Variants in SASH1 observed in about 807,000 individuals in gnomAD.
SASH1 encodes the protein SAM and SH3 domain containing 1.
Under a neutral mutation model 125.2 loss-of-function variants are expected in SASH1, and 44 were observed. That is an observed-to-expected ratio of 0.35 (90% CI 0.28 to 0.45). The LOEUF is 0.45. Ranked by LOEUF, SASH1 falls within the 20% of genes least tolerant of loss-of-function variation. The pLI is 1.00. For missense variants in SASH1, 1,426 were observed against 1,614.5 expected (o/e 0.88, Z 2.00); for synonymous variants, 639 against 649.1 (o/e 0.98, Z 0.24).
At chr6:148,325,762 G>T (rs1231715568) in intron 1 of SASH1, among the ~76,000 whole-genome samples, 1 of 152,094 alleles carries the variant, frequency 6.6e-6, no homozygotes, top group Non-Finnish European at 1.5e-5. Flanking sequence ...ACCCTCAGTT[G>T]CAAGGAAACC....
upstream of SASH1, among the ~76,000 whole-genome samples, chr6:148,268,005 G>A (rs893125827): frequency 6.6e-6 from 1 of 152,202 alleles, no homozygotes. Flanking sequence ...AGGCCAATGT[G>A]TGTTAACCCA....
the SASH1 span, among the ~76,000 whole-genome samples, chr6:148,211,006 A>G: frequency 1.3e-5 from 2 of 152,212 alleles, no homozygotes; most frequent in Non-Finnish European, 1.5e-5. Flanking sequence ...TGTTATCCAT[A>G]TCCAAGGGAA....
chr6:148,195,454 T>C, the SASH1 span, among the ~76,000 whole-genome samples: 2 of 152,306 alleles, frequency 1.3e-5, no homozygotes, highest in South Asian at 4.1e-4. Flanking sequence ...GTTTTCCAAA[T>C]CAGATAGTCA....
rs1430616604 is a variant in SASH1 at position 148,548,525 on chromosome 6, CT to C, written c.3713del (p.Phe1238SerfsTer29). ...GAAAGCTCCTATCTGCAGCCAGACT[CT>C]TCAAACTGCCGCCAGGCCCTGAGGC... ...IRKLLSAARL[F>X]KLPPGPEAM On this transcript the variant is annotated frameshift_variant, in exon 20 of 20. Coordinates refer to ENST00000367467, the MANE Select transcript of SASH1 (RefSeq NM_015278.5). LOFTEE classifies it high-confidence loss of function. 1 of 1,611,862 alleles carries C rather than the reference CT, an allele frequency of 6.2e-7. No individual in the cohort carries two copies. The highest frequency in any genetic ancestry group is 2.2e-5 in the East Asian group (1 of 44,866).
intron 1 of SASH1, among the ~76,000 whole-genome samples, chr6:148,306,605 A>T (rs1423977835): frequency 6.6e-6 from 1 of 152,076 alleles, no homozygotes; most frequent in African/African-American, 2.4e-5. Flanking sequence ...CCACACTCCT[A>T]CTTACAGCCC....
intron 4 of SASH1, among the ~76,000 whole-genome samples, chr6:148,459,521 C>CT (rs924535661): frequency 4.6e-5 from 7 of 152,244 alleles, no homozygotes; most frequent in Non-Finnish European, 8.8e-5. Flanking sequence ...ACACAAATCT[C>CT]TTTCACTGCA....
At position 148,531,532 on chromosome 6, in the gene SASH1, G is replaced by A. The variant is rs764539657; in HGVS notation, c.1435G>A (p.Gly479Ser). ...TTGTTGAAACCCATGGCAGGACTCGGGCCTTGATGGAATGCCTGGCTCCCC... is the reference window on the plus strand; with the variant it reads ...TTGTTGAAACCCATGGCAGGACTCGAGCCTTGATGGAATGCCTGGCTCCCC... Reference protein sequence around the residue: ...YSSSVSEQDSGLDGMPGSPPP... With the variant: ...YSSSVSEQDSSLDGMPGSPPP... The change falls in exon 13 of 20, where the codon GGC becomes AGC. Residue 479 changes from glycine to serine, a missense_variant. By Grantham distance (56) the Gly-to-Ser change is moderately conservative. This residue lies in a region of SASH1 where 225 missense variants were observed against 344.5 expected (regional missense o/e 0.65). Coordinates refer to ENST00000367467, the MANE Select transcript of SASH1 (RefSeq NM_015278.5). The A allele has an allele frequency of 2.0e-6, 3 of 1,538,406 alleles. No individual in the cohort carries two copies. Among genetic ancestry groups the A allele is most frequent in the Non-Finnish European group, 2.6e-6 (3 of 1,140,410 alleles).
chr6:148,514,284 G>T, intron 8 of SASH1, 40 bp from the exon 9 acceptor site: 1 of 1,589,258 alleles, frequency 6.3e-7, no homozygotes, highest in South Asian at 1.1e-5. Flanking sequence ...AAAGCTCGGA[G>T]CAATTACCTG....
chr6:148,507,227 C>T (rs1162672672), intron 8 of SASH1, among the ~76,000 whole-genome samples: 3 of 152,078 alleles, frequency 2.0e-5, no homozygotes, highest in South Asian at 2.1e-4. Flanking sequence ...GACGCCAGCC[C>T]GCCCAGGGAA....
chr6:148,352,374 A>G (rs1441128201), intron 1 of SASH1, among the ~76,000 whole-genome samples: 1 of 152,064 alleles, frequency 6.6e-6, no homozygotes, highest in African/African-American at 2.4e-5. Flanking sequence ...AAGGCGGTGG[A>G]TCACCTAAAG....
At chr6:148,357,723 C>T (rs1782000847) in intron 1 of SASH1, among the ~76,000 whole-genome samples, 1 of 152,080 alleles carries the variant, frequency 6.6e-6, no homozygotes, top group Non-Finnish European at 1.5e-5. Flanking sequence ...AATAGAAAGG[C>T]CTACTTCCAC....
chr6:148,467,088 CTTTTTTTTTTT>C (rs71004298), intron 4 of SASH1, among the ~76,000 whole-genome samples: 3 of 69,938 alleles, frequency 4.3e-5, no homozygotes, highest in African/African-American at 1.9e-4. Context: ...TTCCCTGTTC[CTTTTTTTTTTT>C]TTTTTTTTTT....
At chr6:148,498,501 A>G (rs774050952) in intron 8 of SASH1, among the ~76,000 whole-genome samples, 6 of 152,022 alleles carry the variant, frequency 3.9e-5, no homozygotes, top group Non-Finnish European at 8.8e-5. Context: ...GAGGATACCT[A>G]TTTTTAAAAA....
chr6:148,244,920 GTGTGTGTGTGTA>G, the SASH1 span, among the ~76,000 whole-genome samples: 46 of 143,492 alleles, frequency 3.2e-4, no homozygotes, highest in African/African-American at 1.2e-3. Context: ...GTGTGTGTGT[GTGTGTGTGTGTA>G]TGTGTGTGTG....
At chr6:148,263,250 T>C in the SASH1 span, among the ~76,000 whole-genome samples, 1 of 152,212 alleles carries the variant, frequency 6.6e-6, no homozygotes, top group South Asian at 2.1e-4. Context: ...ACAAGTTTCA[T>C]GTTCTTGAGA....
chr6:148,288,484 A>T (rs371745592), intron 1 of SASH1, among the ~76,000 whole-genome samples: 196 of 152,320 alleles, frequency 1.3e-3, no homozygotes, highest in African/African-American at 4.4e-3. Context: ...GGGTTGAACT[A>T]CCTATGCATC....
chr6:148,536,532 G>A (rs971158262), intron 16 of SASH1, among the ~76,000 whole-genome samples: 10 of 152,142 alleles, frequency 6.6e-5, no homozygotes, highest in African/African-American at 2.4e-4. Context: ...TAGAGACGGG[G>A]TTTCACCATG....
intron 2 of SASH1, among the ~76,000 whole-genome samples, chr6:148,428,466 T>C (rs1685714292): frequency 6.6e-6 from 1 of 151,818 alleles, no homozygotes. Flanking sequence ...CCATCTCTAC[T>C]AAAAATACAA....
At chr6:148,475,397 A>G (rs1174151022) in intron 7 of SASH1, among the ~76,000 whole-genome samples, 2 of 152,184 alleles carry the variant, frequency 1.3e-5, no homozygotes, top group African/African-American at 4.8e-5. Flanking sequence ...GTCTGGTGAG[A>G]CTGTGCTCTT....
Sources: gnomAD v4.1 joint callset for allele counts (sites outside exome capture counted in the v4.1 genomes callset) on GRCh38, gnomAD v4.1.1 for gene constraint, gnomAD v4.1.1 regional missense constraint, MANE v1.5 for transcripts, NCBI Gene and HGNC (gene_info 2026-07-23, HGNC 2026-07-21) for gene names.